DNASE1L1: variants seen among roughly 807,000 people sequenced by gnomAD.
The protein encoded by DNASE1L1 is deoxyribonuclease-1-like 1.
A neutral mutation model predicts 18.6 loss-of-function variants in DNASE1L1; 8 were observed. That is an observed-to-expected ratio of 0.43 (90% CI 0.25 to 0.78). DNASE1L1 has a LOEUF of 0.78. Ranked by LOEUF, DNASE1L1 falls within the 30% of genes least tolerant of loss-of-function variation. The pLI is 0.23. For synonymous variants in DNASE1L1, 114 were observed against 114.2 expected (o/e 1.00, Z 0.01); for missense variants, 214 against 258.2 (o/e 0.83, Z 1.17).
At chrX:154,409,378 C>T (rs2068219720), upstream of DNASE1L1, 2 of 209,270 alleles carry the variant, frequency 9.6e-6, no homozygotes, top group Non-Finnish European at 9.2e-6. Context: ...CACCTTCCCA[C>T]CCAGACCCCG....
At chrX:154,410,772 A>C (rs1557190023), upstream of DNASE1L1, among the ~76,000 whole-genome samples, 1 of 109,838 alleles carries the variant, frequency 9.1e-6, no homozygotes, top group Non-Finnish European at 1.9e-5. Context: ...CCAGCTACTC[A>C]GGAGGCTGAG....
intron 1 of DNASE1L1, among the ~76,000 whole-genome samples, chrX:154,406,890 A>G (rs1603373329): frequency 9.0e-6 from 1 of 110,599 alleles, no homozygotes; most frequent in East Asian, 2.8e-4. Context: ...CAGAGCGCCC[A>G]GCCCCTGCTT....
chrX:154,411,861 G>A, upstream of DNASE1L1: 1 of 1,200,571 alleles, frequency 8.3e-7, no homozygotes, highest in Non-Finnish European at 1.1e-6. Flanking sequence ...TGCACGTGAA[G>A]TGGCCGTTCC....
In DNASE1L1 at chrX:154,405,476, C is replaced by G; in HGVS notation, c.93G>C (p.Leu31=). The change falls in exon 2 of 8, where the codon CTG becomes CTC. Residue 31 remains leucine, a synonymous_variant. Coordinates refer to ENST00000369807, the MANE Select transcript of DNASE1L1 (RefSeq NM_001303620.2). ...TCACCTGCTCCCTGGCCACCTTGGC[C>G]AGTGTCAGCCGCTGGGCATTGAAGG... ...ICAFNAQRLT[L]AKVAREQVMD... 1 of 1,204,494 alleles carries G rather than the reference C, an allele frequency of 8.3e-7. No homozygotes were observed. The highest frequency in any genetic ancestry group is 1.1e-6 in the Non-Finnish European group (1 of 889,990).
At chrX:154,405,863 ACTCC>A (rs1311204852) in intron 1 of DNASE1L1, among the ~76,000 whole-genome samples, 1 of 106,224 alleles carries the variant, frequency 9.4e-6, no homozygotes, top group Non-Finnish European at 1.9e-5. Context: ...CGACAATAAG[ACTCC>A]GTCTCAAAAA....
At position 154,405,506 on chromosome X, in the gene DNASE1L1, G is replaced by A. The variant is rs1332411496; in HGVS notation, c.63C>T (p.Ile21=). The part of the protein sequence containing the change: ...ILANGAQAFR[I]CAFNAQRLTL... ...TCAGCCGCTGGGCATTGAAGGCGCA[G>A]ATGCGAAAGGCCTGGGCCCCATTGG... The change falls in exon 2 of 8, where the codon ATC becomes ATT. Residue 21 remains isoleucine (I), a synonymous_variant. Coordinates refer to ENST00000369807, the MANE Select transcript of DNASE1L1 (RefSeq NM_001303620.2). 8.3e-7 allele frequency: 1 copy of A among 1,202,985 alleles called. No individual in the cohort carries two copies. Among genetic ancestry groups the A allele is most frequent in the Non-Finnish European group, 1.1e-6 (1 of 889,907 alleles).
chrX:154,409,126 T>C lies in DNASE1L1; in HGVS notation c.-102A>G. 5.8e-6 allele frequency: 2 copies of C among 342,006 alleles called. No homozygotes were observed. The highest frequency in any genetic ancestry group is 5.2e-5 in the South Asian group (2 of 38,493). The allele number at this position is 342,006 out of a possible 1,213,427, so 28.2% of individuals were successfully genotyped here. On this transcript the variant is annotated 5_prime_UTR_variant, in exon 1 of 8. Coordinates refer to ENST00000369807, the MANE Select transcript of DNASE1L1 (RefSeq NM_001303620.2). Reference sequence around the variant, plus strand: ...GGCTCCCATACCTGCTCAGACCAGCTTGTCACCAAGTCTGCCTCATCCTTA... The same window carrying C: ...GGCTCCCATACCTGCTCAGACCAGCCTGTCACCAAGTCTGCCTCATCCTTA...
At chrX:154,410,259 A>G (rs2068243737), upstream of DNASE1L1, among the ~76,000 whole-genome samples, 2 of 111,190 alleles carry the variant, frequency 1.8e-5, no homozygotes, top group Admixed American at 9.6e-5. Flanking sequence ...AAAAAAATCA[A>G]TAAATTATGG....
At chrX:154,403,705 C>T in intron 4 of DNASE1L1, 83 bp from the exon 5 acceptor site, 1 of 807,911 alleles carries the variant, frequency 1.2e-6, no homozygotes, top group Non-Finnish European at 1.8e-6. Context: ...CAGGGAGGGG[C>T]CCTCCACTAA....
chrX:154,402,700 G>GGGAC lies in DNASE1L1; in HGVS notation c.*3_*6dup, dbSNP rs782052899. Reference sequence around the variant, plus strand: ...AGGCAGCAGGCCCTGGGGGGGTAGGGGGACGCTCAGGCAGCAGGGCACAGC... The same window carrying GGGAC: ...AGGCAGCAGGCCCTGGGGGGGTAGGGGGACGGACGCTCAGGCAGCAGGGCACAGC... On this transcript the variant is annotated 3_prime_UTR_variant, in exon 8 of 8. Coordinates refer to ENST00000369807, the MANE Select transcript of DNASE1L1 (RefSeq NM_001303620.2). The GGGAC allele has an allele frequency of 3.9e-5, 47 of 1,202,698 alleles. No homozygotes were observed. Among genetic ancestry groups the GGGAC allele is most frequent in the Non-Finnish European group, 5.1e-5 (45 of 890,909 alleles).
At chrX:154,410,292 G>GGTA (rs1488039971), upstream of DNASE1L1, among the ~76,000 whole-genome samples, 2 of 110,967 alleles carry the variant, frequency 1.8e-5, no homozygotes, top group African/African-American at 3.3e-5. Context: ...AAACAGGCCA[G>GGTA]GTAGGATGAC....
At chrX:154,411,924 G>T, upstream of DNASE1L1, 1 of 1,207,980 alleles carries the variant, frequency 8.3e-7, no homozygotes, top group South Asian at 1.8e-5. Flanking sequence ...TCATGGGCTT[G>T]GTGGGCACCT....
At chrX:154,408,614 C>A (rs782679299) in intron 1 of DNASE1L1, 1 of 112,437 alleles carries the variant, frequency 8.9e-6, no homozygotes, top group African/African-American at 3.2e-5. Context: ...GCTTTTGCAT[C>A]CTGAGGCATG....
At chrX:154,408,510 C>T (rs190406337) in intron 1 of DNASE1L1, 3 of 111,809 alleles carry the variant, frequency 2.7e-5, no homozygotes, top group East Asian at 2.8e-4. Flanking sequence ...TTGTTCATCT[C>T]ACCAGCTGGA....
intron 4 of DNASE1L1, 98 bp from the exon 5 acceptor site, chrX:154,403,720 G>T: frequency 1.5e-6 from 1 of 650,161 alleles, no homozygotes; most frequent in Non-Finnish European, 2.5e-6. Flanking sequence ...CACTAACAGC[G>T]GCAATGTGGG....
intron 1 of DNASE1L1, among the ~76,000 whole-genome samples, chrX:154,407,532 C>T (rs1186069898): frequency 9.4e-6 from 1 of 106,252 alleles, no homozygotes; most frequent in Non-Finnish European, 1.9e-5. Context: ...AGCCACTGCG[C>T]CCAGCCAGTG....
At position 154,403,571 on chromosome X, in the gene DNASE1L1, G is replaced by A. The variant is rs782156840; in HGVS notation, c.363C>T (p.Asp121=). 14 of 1,210,518 alleles carry A rather than the reference G, an allele frequency of 1.2e-5. No individual in the cohort carries two copies. Among genetic ancestry groups the A allele is most frequent in the African/African-American group, 1.7e-5 (1 of 57,330 alleles). ...CCACAAATGGCTCCCGGGCAAAGACGTCATCCTCATCGTTGTACACGTAGG... is the reference window on the plus strand; with the variant it reads ...CCACAAATGGCTCCCGGGCAAAGACATCATCCTCATCGTTGTACACGTAGG... The part of the protein sequence containing the change: ...LSSYVYNDED[D]VFAREPFVAQ... Residue 121 remains aspartate (D), a synonymous_variant, in exon 5 of 8, where the codon GAC becomes GAT. Coordinates refer to ENST00000369807, the MANE Select transcript of DNASE1L1 (RefSeq NM_001303620.2).
rs1295173665 is a variant in DNASE1L1, at chrX:154,402,128, G to A, written c.*579C>T. The A allele has an allele frequency of 8.6e-6, 1 of 115,804 alleles. No homozygotes were observed. The highest frequency in any genetic ancestry group is 1.8e-5 in the Non-Finnish European group (1 of 55,312). The allele number at this position is 115,804 out of a possible 1,213,427, so 9.5% of individuals were successfully genotyped here. On this transcript the variant is annotated 3_prime_UTR_variant, in exon 8 of 8. Transcript: ENST00000369807. ...TACCAACACAGACTACAGCACCCAG[G>A]AGGTGCGAGTGTGGCTGCTCAGCGG... is the stretch of plus-strand genomic sequence containing the variant.
Position 154,403,208 on chromosome X carries a change from A to C in DNASE1L1, c.526-18T>G. The C allele has an allele frequency of 8.3e-7, 1 of 1,210,095 alleles. No homozygotes were observed. Among genetic ancestry groups the C allele is most frequent in the East Asian group, 3.0e-5 (1 of 33,813 alleles). On this transcript the variant is annotated intron_variant, in intron 6 of 7. Coordinates refer to ENST00000369807, the MANE Select transcript of DNASE1L1 (RefSeq NM_001303620.2). ...ATCACGTCCTAGAGACACAGCAGCC[A>C]TCAGGCTGGCCGCTGGGCCACCCTA...
Sources: gnomAD v4.1 joint callset for allele counts (sites outside exome capture counted in the v4.1 genomes callset) on GRCh38, gnomAD v4.1.1 for gene constraint, MANE v1.5 for transcripts, NCBI Gene and HGNC (gene_info 2026-07-23, HGNC 2026-07-21) for gene names.